ADD3: variants seen among roughly 807,000 people sequenced by gnomAD.
The protein encoded by ADD3 is adducin 3, also known as gamma-adducin.
A neutral mutation model predicts 80.2 loss-of-function variants in ADD3; 25 were observed. The ratio of observed to expected loss-of-function variants is 0.31; its 90% CI spans 0.23 to 0.44. The LOEUF (loss-of-function observed/expected upper bound fraction) is 0.44, where lower values mean the gene tolerates loss of function less well. Among genes scored for constraint, ADD3 ranks in the 20% least tolerant of loss-of-function variants. ADD3 has a pLI of 1.00. For missense variants in ADD3, 829 were observed against 847.5 expected (o/e 0.98, Z 0.27); for synonymous variants, 284 against 289.6 (o/e 0.98, Z 0.20).
intron 9 of ADD3, 161 bp from the exon 10 acceptor site, chr10:110,123,856 C>T: frequency 1.5e-6 from 1 of 680,272 alleles, no homozygotes; most frequent in South Asian, 2.0e-5. Flanking sequence ...AATTTCAGCT[C>T]CAGTGTTACA....
At position 110,109,086 on chromosome 10, in the gene ADD3, G is replaced by C. The variant is rs1390082651; in HGVS notation, c.196-3691G>C. Among the ~76,000 whole-genome samples the C allele has an allele frequency of 2.6e-5, 4 of 152,166 alleles. No individual in the cohort carries two copies. In the East Asian group the frequency reaches 7.7e-4, roughly 29 times the overall value. On this transcript the variant is annotated intron_variant, in intron 2 of 14. Coordinates refer to ENST00000356080, the MANE Select transcript of ADD3 (RefSeq NM_016824.5). The stretch of plus-strand genomic sequence containing the variant: ...TTTCACTAATGTAAAAAGAGCATTG[G>C]ACTTGTGTCCTTGCCTCTGGCATTT...
chr10:110,007,618 G>C (rs1851757306), upstream of ADD3, among the ~76,000 whole-genome samples: 1 of 152,192 alleles, frequency 6.6e-6, no homozygotes, highest in African/African-American at 2.4e-5. Flanking sequence ...AGTCAGAAGA[G>C]GACGTTGAAA....
intron 2 of ADD3, among the ~76,000 whole-genome samples, chr10:110,104,468 C>T (rs1849197022): frequency 6.6e-6 from 1 of 152,116 alleles, no homozygotes; most frequent in African/African-American, 2.4e-5. Context: ...TGTCTTTGTT[C>T]CTTTCAGCCC....
intron 1 of ADD3, among the ~76,000 whole-genome samples, chr10:110,082,145 T>C (rs1291097611): frequency 1.3e-5 from 2 of 152,210 alleles, no homozygotes; most frequent in Admixed American, 6.5e-5. Flanking sequence ...ATTATCTTGC[T>C]GAGACAACCA....
At position 110,028,662 on chromosome 10, in the gene ADD3, T is replaced by A. The variant is rs546541763; in HGVS notation, c.-30+20363T>A. Among the ~76,000 whole-genome samples the A allele has an allele frequency of 7.8e-4, 119 of 152,356 alleles. 1 individual carries two copies. The highest frequency in any genetic ancestry group is 2.8e-3 in the African/African-American group (116 of 41,578). On this transcript the variant is annotated intron_variant, in intron 1 of 14. Coordinates refer to ENST00000356080, the MANE Select transcript of ADD3 (RefSeq NM_016824.5). The stretch of plus-strand genomic sequence containing the variant: ...TCTCTAAGCATTGTGGTTGAGATTT[T>A]AATTCAGTACTTTTATCTGAAAAGT...
chr10:110,133,597 AAAG>A lies in ADD3; in HGVS notation c.2101_2103del (p.Lys701del), dbSNP rs765847432. The A allele has an allele frequency of 1.6e-5, 25 of 1,588,330 alleles. No individual in the cohort carries two copies. The highest frequency in any genetic ancestry group is 2.0e-5 in the Non-Finnish European group (24 of 1,171,578). ...CTTCTTTTCTGAAAAAGAACAAAAAAAAGGAGAAAGTTGAGGCCTAAATAAAGT... is the reference window on the plus strand; with the variant it reads ...CTTCTTTTCTGAAAAAGAACAAAAAAGAGAAAGTTGAGGCCTAAATAAAGT... On this transcript the variant is annotated inframe_deletion, in exon 15 of 15. Transcript: ENST00000356080.
At chr10:110,089,961 G>A (rs1847266750) in intron 1 of ADD3, among the ~76,000 whole-genome samples, 1 of 152,034 alleles carries the variant, frequency 6.6e-6, no homozygotes, top group Non-Finnish European at 1.5e-5. Flanking sequence ...CAAGTTACCA[G>A]TGAATGTTAT....
intron 8 of ADD3, 199 bp from the exon 9 acceptor site, chr10:110,121,911 G>C: frequency 2.2e-6 from 1 of 445,486 alleles, no homozygotes; most frequent in Non-Finnish European, 3.9e-6. Flanking sequence ...TCAGAGTCTT[G>C]GAAGGTTTCT....
intron 1 of ADD3, among the ~76,000 whole-genome samples, chr10:110,063,419 G>C (rs1407436560): frequency 6.6e-6 from 1 of 151,890 alleles, no homozygotes; most frequent in Non-Finnish European, 1.5e-5. Context: ...GATATTACAT[G>C]GATCACTTAC....
chr10:110,102,413 A>G (rs1445543940), intron 2 of ADD3, among the ~76,000 whole-genome samples: 1 of 152,170 alleles, frequency 6.6e-6, no homozygotes, highest in African/African-American at 2.4e-5. Flanking sequence ...GTTTGAGACG[A>G]GCCTGGGCAA....
chr10:110,030,828 G>C (rs1319309682), intron 1 of ADD3, among the ~76,000 whole-genome samples: 1 of 151,614 alleles, frequency 6.6e-6, no homozygotes, highest in Non-Finnish European at 1.5e-5. Flanking sequence ...GTATTACAGT[G>C]CTGTTTTGAG....
At chr10:110,059,955 T>G (rs1256507604) in intron 1 of ADD3, among the ~76,000 whole-genome samples, 1 of 152,178 alleles carries the variant, frequency 6.6e-6, no homozygotes, top group African/African-American at 2.4e-5. Flanking sequence ...TCAAAGTACT[T>G]GTCATCCATA....
intron 1 of ADD3, among the ~76,000 whole-genome samples, chr10:110,039,651 G>T (rs1416672891): frequency 6.6e-6 from 1 of 152,236 alleles, no homozygotes; most frequent in Non-Finnish European, 1.5e-5. Context: ...AGCAGCTTCA[G>T]ACAACAAACA....
chr10:109,997,915 C>T (rs1480659972), intron 1 of ADD3, among the ~76,000 whole-genome samples: 4 of 152,210 alleles, frequency 2.6e-5, no homozygotes, highest in East Asian at 1.9e-4. Flanking sequence ...GATCTAAATC[C>T]GGGCGGTTTT....
In ADD3 at chr10:110,124,214, G is replaced by A. The variant is rs760825479; in HGVS notation, c.1341G>A (p.Met447Ile). The A allele has an allele frequency of 6.2e-7, 1 of 1,614,184 alleles. No homozygotes were observed. Reference protein sequence around the residue: ...TRWLNSPNTYMKVNVPEESRN... With the variant: ...TRWLNSPNTYIKVNVPEESRN... ...GGCTGAACTCACCAAATACTTACATGAAAGTGAATGTGCCTGAGGAGTCTC... is the reference window on the plus strand; with the variant it reads ...GGCTGAACTCACCAAATACTTACATAAAAGTGAATGTGCCTGAGGAGTCTC... Residue 447 changes from methionine (M) to isoleucine (I), a missense_variant, in exon 10 of 15, where the codon ATG becomes ATA. Transcript: ENST00000356080.
chr10:110,032,063 G>A (rs770607419), intron 1 of ADD3, among the ~76,000 whole-genome samples: 3 of 152,142 alleles, frequency 2.0e-5, no homozygotes, highest in Non-Finnish European at 4.4e-5. Flanking sequence ...TTCAGGAAGA[G>A]ATACAAGAAG....
upstream of ADD3, among the ~76,000 whole-genome samples, chr10:110,001,918 T>C (rs747902255): frequency 6.6e-6 from 1 of 152,244 alleles, no homozygotes; most frequent in Non-Finnish European, 1.5e-5. Context: ...GATGAAAAGA[T>C]GTATATGCAA....
chr10:110,075,300 A>G (rs1405191053), intron 1 of ADD3, among the ~76,000 whole-genome samples: 1 of 151,086 alleles, frequency 6.6e-6, no homozygotes, highest in Non-Finnish European at 1.5e-5. Flanking sequence ...TTTTTCATGT[A>G]TTTTGCTCTC....
intron 10 of ADD3, among the ~76,000 whole-genome samples, chr10:110,125,204 T>A (rs1007281276): frequency 2.0e-5 from 3 of 152,238 alleles, no homozygotes; most frequent in African/African-American, 7.2e-5. Flanking sequence ...TTACAGAGAT[T>A]GATGGTCAGC....
Sources: gnomAD v4.1 joint callset for allele counts (sites outside exome capture counted in the v4.1 genomes callset) on GRCh38, gnomAD v4.1.1 for gene constraint, MANE v1.5 for transcripts, NCBI Gene and HGNC (gene_info 2026-07-23, HGNC 2026-07-21) for gene names.